ATAD2B: variants seen among roughly 807,000 people sequenced by gnomAD.
ATAD2B encodes the protein ATPase family AAA domain containing 2B, also known as ATPase family AAA domain-containing protein 2B.
ATAD2B carries 40 observed loss-of-function variants against 167.6 expected under a neutral mutation model. The observed-to-expected ratio is 0.24, with a 90% CI of 0.19 to 0.31. ATAD2B has a LOEUF of 0.31. Ranked by LOEUF, ATAD2B falls within the 10% of genes least tolerant of loss-of-function variation. The probability of loss-of-function intolerance (pLI) is 1.00; values close to 1 mark genes in which losing one functional copy is unlikely to be tolerated. For missense variants in ATAD2B, 1,242 were observed against 1,757.2 expected (o/e 0.71, Z 5.24); for synonymous variants, 579 against 596.5 (o/e 0.97, Z 0.43).
the ATAD2B span, among the ~76,000 whole-genome samples, chr2:23,693,056 C>T: frequency 6.6e-6 from 1 of 152,138 alleles, no homozygotes; most frequent in Admixed American, 6.5e-5. Context: ...AGGGAGGCCC[C>T]TGGGAGTCAG....
intron 22 of ATAD2B, among the ~76,000 whole-genome samples, chr2:23,770,622 A>T (rs1678186775): frequency 6.6e-6 from 1 of 152,126 alleles, no homozygotes; most frequent in Non-Finnish European, 1.5e-5. Flanking sequence ...CATTGAACTG[A>T]CTTTACATCT....
At chr2:23,773,928 A>G (rs1678714249) in intron 22 of ATAD2B, among the ~76,000 whole-genome samples, 1 of 152,226 alleles carries the variant, frequency 6.6e-6, no homozygotes, top group African/African-American at 2.4e-5. Context: ...GGACATATAG[A>G]TGAGTATCTA....
the ATAD2B span, among the ~76,000 whole-genome samples, chr2:23,681,188 A>G: frequency 2.0e-5 from 3 of 152,258 alleles, no homozygotes; most frequent in East Asian, 1.9e-4. This position sits in a 1 kb window ranked among gnomAD's most constrained non-coding sequence, Gnocchi z 4.2. Flanking sequence ...ACACCAGCCA[A>G]TCGATACTAG....
chr2:23,835,866 G>A (rs1211735538), intron 13 of ATAD2B, among the ~76,000 whole-genome samples: 1 of 152,028 alleles, frequency 6.6e-6, no homozygotes, highest in African/African-American at 2.4e-5. Flanking sequence ...AATCCAGGAG[G>A]TGGAGGTTGC....
the ATAD2B span, among the ~76,000 whole-genome samples, chr2:23,736,829 G>A: frequency 2.6e-5 from 4 of 152,206 alleles, no homozygotes; most frequent in South Asian, 2.1e-4. Context: ...CTGGAAAATC[G>A]GATCACTCCC....
intron 1 of ATAD2B, among the ~76,000 whole-genome samples, chr2:23,904,219 T>C (rs925912814): frequency 2.0e-5 from 3 of 151,932 alleles, no homozygotes; most frequent in Non-Finnish European, 2.9e-5. Context: ...CTTAAAAAAA[T>C]GCCTAATTAA....
chr2:23,755,730 T>C (rs1235878293), intron 25 of ATAD2B, among the ~76,000 whole-genome samples: 1 of 152,180 alleles, frequency 6.6e-6, no homozygotes, highest in Non-Finnish European at 1.5e-5. Context: ...TCCTTCTCAA[T>C]GCCTGCTTTA....
At chr2:23,805,809 C>A (rs199667065) in intron 18 of ATAD2B, among the ~76,000 whole-genome samples, 2,071 of 40,588 alleles carry the variant, frequency 0.051, 24 homozygotes, top group Middle Eastern at 0.12. Flanking sequence ...AAAAAAAAAA[C>A]AAATCTGATA....
In ATAD2B at chr2:23,818,116, C is replaced by T. The variant is rs1328363472; in HGVS notation, c.2267+1631G>A. ...CACATTACACACACACACACACACACACACATTACACACACACACACACAC... is the reference window on the plus strand; with the variant it reads ...CACATTACACACACACACACACACATACACATTACACACACACACACACAC... On this transcript the variant is annotated intron_variant, in intron 17 of 27. Transcript: ENST00000238789. Among the ~76,000 whole-genome samples the T allele has an allele frequency of 5.4e-5, 5 of 91,836 alleles. 1 individual carries two copies. The highest frequency in any genetic ancestry group is 1.2e-4 in the Non-Finnish European group (5 of 43,396). 60.2% of individuals were successfully genotyped at this position (91,836 alleles called of 152,430 possible). A position where few individuals can be genotyped will look rare whatever the true frequency, so the allele number is the denominator to read the frequency against.
chr2:23,840,264 C>T (rs1025936767), intron 13 of ATAD2B, among the ~76,000 whole-genome samples: 3 of 152,094 alleles, frequency 2.0e-5, no homozygotes, highest in African/African-American at 7.2e-5. Flanking sequence ...TAAGCTTAGG[C>T]CTTTATGCTC....
intron 22 of ATAD2B, among the ~76,000 whole-genome samples, chr2:23,777,089 G>C (rs1200114742): frequency 6.6e-6 from 1 of 151,996 alleles, no homozygotes; most frequent in African/African-American, 2.4e-5. Context: ...AAACACCAAG[G>C]GCACACAAGC....
chr2:23,794,722 G>A (rs1302168849), intron 19 of ATAD2B, among the ~76,000 whole-genome samples: 1 of 151,792 alleles, frequency 6.6e-6, no homozygotes, highest in South Asian at 2.1e-4. Flanking sequence ...ATACTGTTTT[G>A]CTATACTACT....
chr2:23,765,269 T>C (rs915537149), intron 23 of ATAD2B, among the ~76,000 whole-genome samples: 1 of 152,172 alleles, frequency 6.6e-6, no homozygotes, highest in African/African-American at 2.4e-5. Flanking sequence ...CAAAACAAAT[T>C]TCAATAAGAA....
chr2:23,694,618 G>C, the ATAD2B span, among the ~76,000 whole-genome samples: 1 of 152,118 alleles, frequency 6.6e-6, no homozygotes, highest in Non-Finnish European at 1.5e-5. Context: ...ACTTCTCCCT[G>C]TCTCCCTAAA....
the ATAD2B span, among the ~76,000 whole-genome samples, chr2:23,687,423 A>T: frequency 6.6e-6 from 1 of 152,118 alleles, no homozygotes; most frequent in Admixed American, 6.5e-5. Context: ...TGCCTGCCAG[A>T]CCCAACCCCA....
At chr2:23,850,767 C>A (rs567085707) in intron 13 of ATAD2B, among the ~76,000 whole-genome samples, 13 of 152,250 alleles carry the variant, frequency 8.5e-5, no homozygotes, top group Non-Finnish European at 1.8e-4. Context: ...TTTGTTGAAA[C>A]CCTAAAACTG....
At chr2:23,868,154 C>T (rs1476181778) in intron 9 of ATAD2B, among the ~76,000 whole-genome samples, 1 of 152,102 alleles carries the variant, frequency 6.6e-6, no homozygotes, top group African/African-American at 2.4e-5. Context: ...ATAAAGCAAA[C>T]AAGATCGTTA....
the ATAD2B span, among the ~76,000 whole-genome samples, chr2:23,701,769 C>A: frequency 6.7e-6 from 1 of 149,882 alleles, no homozygotes; most frequent in Non-Finnish European, 1.5e-5. Context: ...ACTCCTTTAG[C>A]TTCGCACACA....
chr2:23,694,132 G>T, the ATAD2B span, among the ~76,000 whole-genome samples: 1 of 152,236 alleles, frequency 6.6e-6, no homozygotes, highest in Non-Finnish European at 1.5e-5. Context: ...CCTTTCCTGA[G>T]CTCCAGACCC....
Sources: gnomAD v4.1 joint callset for allele counts (sites outside exome capture counted in the v4.1 genomes callset) on GRCh38, gnomAD v4.1.1 for gene constraint, Gnocchi (gnomAD v3.1) non-coding constraint, MANE v1.5 for transcripts, NCBI Gene and HGNC (gene_info 2026-07-23, HGNC 2026-07-21) for gene names.